IDO2: variants seen among roughly 807,000 people sequenced by gnomAD.
IDO2 encodes the protein indoleamine 2,3-dioxygenase 2, also known as indoleamine 2,3-dioxygenase-like 1 protein.
IDO2 carries 46 observed loss-of-function variants against 45.1 expected under a neutral mutation model. That is an observed-to-expected ratio of 1.02 (90% CI 0.80 to 1.30). The LOEUF (loss-of-function observed/expected upper bound fraction) is 1.30. IDO2 is among the 50% of genes most tolerant of loss of function. The pLI, the probability that IDO2 is intolerant of heterozygous loss-of-function variation, is 0.00. For synonymous variants in IDO2, 218 were observed against 184.9 expected, an observed-to-expected ratio of 1.18 and a Z score of -1.45; for missense variants, 544 against 491.8, an observed-to-expected ratio of 1.11 and a Z score of -1.00.
chr8:39,997,279 G>T (rs979461344), intron 8 of IDO2, among the ~76,000 whole-genome samples: 5 of 152,038 alleles, frequency 3.3e-5, no homozygotes, highest in Admixed American at 2.0e-4. Context: ...ATTTCTGACA[G>T]TAATAAATTG....
intron 2 of IDO2, among the ~76,000 whole-genome samples, chr8:39,963,298 T>C (rs1808026933): frequency 1.3e-5 from 2 of 152,360 alleles, no homozygotes; most frequent in South Asian, 2.1e-4. Flanking sequence ...TCACAACAGC[T>C]GACAGAATTA....
intron 9 of IDO2, among the ~76,000 whole-genome samples, chr8:40,009,894 C>A (rs1179583405): frequency 6.6e-6 from 1 of 152,138 alleles, no homozygotes; most frequent in Non-Finnish European, 1.5e-5. Flanking sequence ...ATATATAATA[C>A]ATACTTGTAG....
chr8:39,943,529 A>G (rs903479302), intron 1 of IDO2, among the ~76,000 whole-genome samples: 1 of 152,058 alleles, frequency 6.6e-6, no homozygotes, highest in African/African-American at 2.4e-5. Flanking sequence ...CGAGGTCAGG[A>G]GATCGAGACC....
intron 8 of IDO2, among the ~76,000 whole-genome samples, chr8:39,999,790 C>T (rs1802107480): frequency 6.6e-6 from 1 of 152,166 alleles, no homozygotes; most frequent in South Asian, 2.1e-4. Context: ...TATTTTCTTC[C>T]TCAAGAGGAT....
intron 3 of IDO2, among the ~76,000 whole-genome samples, chr8:39,964,212 T>C (rs6987500): frequency 0.013 from 1,905 of 152,326 alleles, 45 homozygotes; most frequent in African/African-American, 0.043. Flanking sequence ...TTGATTAGGC[T>C]GATACAAAGG....
At chr8:39,981,107 G>A (rs150837038) in intron 4 of IDO2, among the ~76,000 whole-genome samples, 2,950 of 149,860 alleles carry the variant, frequency 0.02, 46 homozygotes, top group Middle Eastern at 0.061. Context: ...TGTCACCCAG[G>A]CTGGAGTGCA....
At chr8:39,956,760 G>GT (rs142453790) in intron 2 of IDO2, among the ~76,000 whole-genome samples, 25,934 of 151,974 alleles carry the variant, frequency 0.17, 2,777 homozygotes, top group South Asian at 0.32. Flanking sequence ...CCTCATAGTA[G>GT]TCTTGGATGG....
At chr8:39,948,335 C>T (rs1775532094) in intron 1 of IDO2, among the ~76,000 whole-genome samples, 1 of 152,182 alleles carries the variant, frequency 6.6e-6, no homozygotes, top group African/African-American at 2.4e-5. Context: ...CCCCTCCCTG[C>T]TCACCACAGA....
At chr8:39,958,145 T>C (rs1172942222) in intron 2 of IDO2, among the ~76,000 whole-genome samples, 1 of 152,144 alleles carries the variant, frequency 6.6e-6, no homozygotes, top group Non-Finnish European at 1.5e-5. Context: ...GACCTCGTGA[T>C]CTGCCCGCAT....
intron 3 of IDO2, among the ~76,000 whole-genome samples, chr8:39,971,289 T>C (rs967251229): frequency 6.6e-6 from 1 of 152,186 alleles, no homozygotes; most frequent in African/African-American, 2.4e-5. Context: ...CATGCTTTAC[T>C]GAATACTTTA....
chr8:40,005,420 G>A lies in IDO2; in HGVS notation c.719+42G>A, dbSNP rs9792365. 17,921 of 1,306,136 alleles carry A rather than the reference G, an allele frequency of 0.014. 2,011 individuals are homozygous for A. The East Asian group carries it at 0.3, about 22-fold the overall frequency. 80.9% of individuals were successfully genotyped at this position (1,306,136 alleles called of 1,614,324 possible). On this transcript the variant is annotated intron_variant, in intron 9 of 10. Coordinates refer to ENST00000502986, the Ensembl canonical transcript of IDO2. ...TGTTTTCCTGTGTGAAGTCTCTGTAGCATTGACTGAATGTATAAGGGGACG... is the reference window on the plus strand; with the variant it reads ...TGTTTTCCTGTGTGAAGTCTCTGTAACATTGACTGAATGTATAAGGGGACG...
At chr8:39,972,372 G>A (rs1490226860) in intron 3 of IDO2, among the ~76,000 whole-genome samples, 5 of 152,132 alleles carry the variant, frequency 3.3e-5, no homozygotes, top group Non-Finnish European at 5.9e-5. Context: ...ACTTTGGGAA[G>A]CCGAGGCAGG....
At chr8:39,957,162 A>T (rs1052004238) in intron 2 of IDO2, among the ~76,000 whole-genome samples, 17 of 152,042 alleles carry the variant, frequency 1.1e-4, no homozygotes, top group Non-Finnish European at 2.2e-4. Context: ...ACTATCATGG[A>T]AATATATTTC....
At chr8:39,992,035 C>T (rs1226988821) in intron 8 of IDO2, among the ~76,000 whole-genome samples, 1 of 152,244 alleles carries the variant, frequency 6.6e-6, no homozygotes, top group Non-Finnish European at 1.5e-5. Context: ...CTCCTAGTCA[C>T]ATTCATCTAT....
intron 5 of IDO2, among the ~76,000 whole-genome samples, chr8:39,983,857 T>C (rs911228297): frequency 1.3e-3 from 16 of 12,224 alleles, no homozygotes; most frequent in Non-Finnish European, 2.6e-3. Context: ...AAACTCTGTC[T>C]CAAAAGAAAA....
chr8:39,951,743 A>G (rs1419082488), intron 2 of IDO2, among the ~76,000 whole-genome samples: 2 of 152,210 alleles, frequency 1.3e-5, no homozygotes, highest in East Asian at 3.8e-4. Context: ...CCTAGTTCCA[A>G]AGGAAGAAAA....
intron 8 of IDO2, among the ~76,000 whole-genome samples, chr8:39,997,689 A>G (rs1262642182): frequency 6.6e-6 from 1 of 152,208 alleles, no homozygotes; most frequent in Non-Finnish European, 1.5e-5. Flanking sequence ...TCTTTTATGA[A>G]AAAGATTCTC....
chr8:39,941,221 C>CAAAAAAAAAAAAAAA (rs59745370), intron 1 of IDO2, among the ~76,000 whole-genome samples: 1 of 80,546 alleles, frequency 1.2e-5, no homozygotes, highest in African/African-American at 6.1e-5. Flanking sequence ...GACTCCATCT[C>CAAAAAAAAAAAAAAA]AAAAAAAAAA....
intron 2 of IDO2, among the ~76,000 whole-genome samples, chr8:39,954,918 A>G (rs1249397150): frequency 6.6e-6 from 1 of 151,586 alleles, no homozygotes; most frequent in African/African-American, 2.4e-5. Flanking sequence ...CGGCCTCTCA[A>G]AGTGCTAGGA....
Sources: gnomAD v4.1 joint callset for allele counts (sites outside exome capture counted in the v4.1 genomes callset) on GRCh38, gnomAD v4.1.1 for gene constraint, MANE v1.5 for transcripts, NCBI Gene and HGNC (gene_info 2026-07-23, HGNC 2026-07-21) for gene names.